The following IDH3A variants were observed in gnomAD, a reference collection of about 807,000 sequenced individuals.
IDH3A encodes the protein isocitrate dehydrogenase (NAD(+)) 3 catalytic subunit alpha, also known as isocitrate dehydrogenase [NAD] subunit alpha, mitochondrial.
Under a neutral mutation model 43.3 loss-of-function variants are expected in IDH3A, and 23 were observed. The observed-to-expected ratio is 0.53, with a 90% CI of 0.38 to 0.75. The LOEUF is 0.75. Ranked by LOEUF, IDH3A falls within the 30% of genes least tolerant of loss-of-function variation. The pLI is 0.00. For missense variants in IDH3A, 329 were observed against 474.4 expected (o/e 0.69, Z 2.85); for synonymous variants, 154 against 163.5 (o/e 0.94, Z 0.44).
chr15:78,156,814 C>T, intron 2 of IDH3A: 1 of 1,002,666 alleles, frequency 1.0e-6, no homozygotes. Context: ...TAGAATAAAT[C>T]ATTGCTGTTA....
At position 78,166,095 on chromosome 15, in the gene IDH3A, G is replaced by A. The variant is rs1023975432; in HGVS notation, c.865-55G>A. 6 of 1,545,860 alleles carry A rather than the reference G, an allele frequency of 3.9e-6. No homozygotes were observed. In the Admixed American group the frequency reaches 1.0e-4, roughly 26 times the overall value. The stretch of plus-strand genomic sequence containing the variant: ...GGTTAAGACTCCAGCTTCCCCAGAA[G>A]AGGACTGTTAGTTTTTGTCTCTCCC... On this transcript the variant is annotated intron_variant, in intron 9 of 10. Transcript: ENST00000299518.
chr15:78,163,491 A>G lies in IDH3A; in HGVS notation c.612-16A>G, dbSNP rs777381718. 1 of 1,565,990 alleles carries G rather than the reference A, an allele frequency of 6.4e-7. No individual in the cohort carries two copies. ...TAAGACTTTTTTTTCAGCAGTTTTT[A>G]TTTGATTAAATACAGGCGGATGTCA... is the stretch of plus-strand genomic sequence containing the variant. On this transcript the variant is annotated splice_polypyrimidine_tract_variant and intron_variant, in intron 6 of 10. Coordinates refer to ENST00000299518, the MANE Select transcript of IDH3A (RefSeq NM_005530.3).
At chr15:78,164,111 G>A (rs1165299433) in intron 8 of IDH3A, among the ~76,000 whole-genome samples, 1 of 151,942 alleles carries the variant, frequency 6.6e-6, no homozygotes, top group Non-Finnish European at 1.5e-5. Context: ...ACTATTTTTT[G>A]GTAACTTTTG....
At chr15:78,164,592 T>A (rs561548736) in intron 8 of IDH3A, among the ~76,000 whole-genome samples, 1 of 152,356 alleles carries the variant, frequency 6.6e-6, no homozygotes, top group Non-Finnish European at 1.5e-5. Flanking sequence ...CCTCAAGTGA[T>A]CTGCCCACCT....
At chr15:78,168,073 A>G (rs1206810615) in intron 10 of IDH3A, 1 of 152,164 alleles carries the variant, frequency 6.6e-6, no homozygotes, top group African/African-American at 2.4e-5. Context: ...AAGAAAGGAT[A>G]AGCTGGTAGA....
At chr15:78,158,632 A>G (rs2141946319) in intron 3 of IDH3A, among the ~76,000 whole-genome samples, 1 of 149,722 alleles carries the variant, frequency 6.7e-6, no homozygotes. Context: ...ACATGCCACC[A>G]CGCCTGGCTA....
intron 1 of IDH3A, 86 bp from the exon 2 acceptor site, chr15:78,155,127 T>C: frequency 2.2e-6 from 2 of 908,894 alleles, no homozygotes; most frequent in Non-Finnish European, 3.6e-6. Flanking sequence ...AGTTGCAGCA[T>C]TACCATCCAT....
In IDH3A at chr15:78,170,338, A is replaced by T. The variant is rs941733533; in HGVS notation, c.*1333A>T. On this transcript the variant is annotated 3_prime_UTR_variant, in exon 11 of 11. Transcript: ENST00000299518. ...ACATTGCAAACCTGTGGCTTTGCAA[A>T]ATGTACCCAGGTCACAAGGGGATTT... 2 of 152,014 alleles carry T rather than the reference A, an allele frequency of 1.3e-5. No homozygotes were observed. The highest frequency in any genetic ancestry group is 6.6e-5 in the Admixed American group (1 of 15,256). The allele number at this position is 152,014 out of a possible 1,614,324, so 9.4% of individuals were successfully genotyped here.
intron 1 of IDH3A, 87 bp downstream of exon 1, chr15:78,149,517 G>C (rs868493370): frequency 1.2e-5 from 15 of 1,231,892 alleles, no homozygotes; most frequent in South Asian, 2.9e-5. Context: ...GTGGGCGGGC[G>C]CGTGGGCCAG....
intron 3 of IDH3A, 137 bp from the exon 4 acceptor site, chr15:78,159,955 G>A (rs1185466290): frequency 2.4e-5 from 15 of 615,292 alleles, no homozygotes; most frequent in Middle Eastern, 2.6e-4. Flanking sequence ...AGATTGTGCC[G>A]CTGCACTCTA....
rs187702199 is a variant in IDH3A at position 78,166,352 on chromosome 15, T to C, written c.1017+50T>C. 2.5e-6 allele frequency: 4 copies of C among 1,580,892 alleles called. No individual in the cohort carries two copies. The East Asian group carries it at 6.7e-5, about 27-fold the overall frequency. On this transcript the variant is annotated intron_variant, in intron 10 of 10. Transcript: ENST00000299518. ...TGCTGGGTAAAATGCATTGCTTCCA[T>C]GTGTTTTATCTGAGTGAAAGGGACA...
chr15:78,154,974 G>A (rs574884213), intron 1 of IDH3A, among the ~76,000 whole-genome samples: 14 of 152,174 alleles, frequency 9.2e-5, no homozygotes, highest in African/African-American at 2.2e-4. Flanking sequence ...ACTTATATTC[G>A]TTAAATTGAC....
At chr15:78,159,180 C>T (rs2074656101) in intron 3 of IDH3A, among the ~76,000 whole-genome samples, 1 of 152,176 alleles carries the variant, frequency 6.6e-6, no homozygotes, top group Non-Finnish European at 1.5e-5. Flanking sequence ...GTTTTTAGTA[C>T]ATTCACAGAG....
chr15:78,155,254 G>A lies in IDH3A; in HGVS notation c.69G>A (p.Val23=). 6.2e-7 allele frequency: 1 copy of A among 1,612,930 alleles called. No homozygotes were observed. Among genetic ancestry groups the A allele is most frequent in the Non-Finnish European group, 8.5e-7 (1 of 1,179,034 alleles). ...LLGAFHNPKQ[V]TRGFTGGVQT... is the part of the protein sequence containing the mutation. ...GGGCATTCCACAACCCAAAACAGGT[G>A]ACCAGAGGTTTTACTGGTGGTGTGA... Residue 23 remains valine, a synonymous_variant, in exon 2 of 11, where the codon GTG becomes GTA. Coordinates refer to ENST00000299518, the MANE Select transcript of IDH3A (RefSeq NM_005530.3).
intron 1 of IDH3A, among the ~76,000 whole-genome samples, chr15:78,154,997 C>T (rs942024820): frequency 3.9e-5 from 6 of 152,168 alleles, no homozygotes; most frequent in Non-Finnish European, 7.3e-5. Context: ...TGAAAATATA[C>T]AGTACTCAAT....
In IDH3A at chr15:78,164,305, C is replaced by A. The variant is rs189217897; in HGVS notation, c.779+525C>A. Among the ~76,000 whole-genome samples, 872 of 130,776 alleles carry A rather than the reference C, an allele frequency of 6.7e-3. 10 individuals are homozygous for A. Among genetic ancestry groups the A allele is most frequent in the African/African-American group, 0.025 (836 of 32,786 alleles). 85.8% of individuals were successfully genotyped at this position (130,776 alleles called of 152,430 possible). A position where few individuals can be genotyped will look rare whatever the true frequency, so the allele number is the denominator to read the frequency against. Reference sequence around the variant, plus strand: ...TCTGTGCTTCTCTCTCTCTCTCTCTCCCCCCCCGACACACACAGACATAAG... The same window carrying A: ...TCTGTGCTTCTCTCTCTCTCTCTCTACCCCCCCGACACACACAGACATAAG... On this transcript the variant is annotated intron_variant, in intron 8 of 10. Transcript: ENST00000299518.
chr15:78,168,885 G>T, intron 10 of IDH3A, 37 bp from the exon 11 acceptor site: 1 of 1,368,012 alleles, frequency 7.3e-7, no homozygotes, highest in Non-Finnish European at 1.0e-6. Flanking sequence ...TTTAGTTTGC[G>T]GATACATCTT....
intron 2 of IDH3A, among the ~76,000 whole-genome samples, chr15:78,156,241 A>C (rs1223419477): frequency 6.6e-6 from 1 of 152,170 alleles, no homozygotes; most frequent in East Asian, 1.9e-4. Flanking sequence ...TTTAATTTTC[A>C]GGCTATTTAT....
Position 78,162,420 on chromosome 15 carries a change from G to A in IDH3A, c.611+53G>A. On this transcript the variant is annotated intron_variant, in intron 6 of 10. Coordinates refer to ENST00000299518, the MANE Select transcript of IDH3A (RefSeq NM_005530.3). Reference sequence around the variant, plus strand: ...CATCTTGCTTTGTTGTGGGAGAGCAGTGACAGGGCTTCCCTTTCTCCTCTT... The same window carrying A: ...CATCTTGCTTTGTTGTGGGAGAGCAATGACAGGGCTTCCCTTTCTCCTCTT... 2.5e-6 allele frequency: 4 copies of A among 1,591,396 alleles called. No individual in the cohort carries two copies. The South Asian group carries it at 4.5e-5, about 18-fold the overall frequency.
Sources: allele counts gnomAD v4.1 joint callset (sites outside exome capture counted in the v4.1 genomes callset), GRCh38; gene constraint gnomAD v4.1.1; transcripts MANE v1.5; gene names NCBI Gene and HGNC (gene_info 2026-07-23, HGNC 2026-07-21).